Variants in FAF1 observed in about 807,000 individuals in gnomAD.
FAF1 encodes the protein FAS-associated factor 1.
A neutral mutation model predicts 92.5 loss-of-function variants in FAF1; 25 were observed. That is an observed-to-expected ratio of 0.27 (90% CI 0.20 to 0.38). The LOEUF is 0.38. Among genes scored for constraint, FAF1 ranks in the 10% least tolerant of loss-of-function variants. The pLI is 1.00. For synonymous variants in FAF1, 234 were observed against 273.2 expected, an observed-to-expected ratio of 0.86 and a Z score of 1.42; for missense variants, 636 against 793.3, an observed-to-expected ratio of 0.80 and a Z score of 2.38.
rs573353585 is a variant in FAF1 at position 50,784,081 on chromosome 1, A to G, written c.367+3919T>C. The stretch of plus-strand genomic sequence containing the variant: ...ATATGAAAGTCCCACAGCTAACATC[A>G]TATTCAAGGGTTAAGAACTAAAAGG... On this transcript the variant is annotated intron_variant, in intron 4 of 18. Coordinates refer to ENST00000396153, the MANE Select transcript of FAF1 (RefSeq NM_007051.3). 4.6e-5 allele frequency among the ~76,000 whole-genome samples: 7 copies of G among 152,308 alleles called. No homozygotes were observed. In the East Asian group the frequency reaches 1.2e-3, roughly 25 times the overall value.
intron 7 of FAF1, among the ~76,000 whole-genome samples, chr1:50,692,445 T>C (rs1462727034): frequency 1.3e-5 from 2 of 152,132 alleles, no homozygotes; most frequent in Admixed American, 1.3e-4. Flanking sequence ...GCTTTCCTCA[T>C]TCCTACCCGT....
chr1:50,816,041 A>AAT (rs1221848146), intron 2 of FAF1, among the ~76,000 whole-genome samples: 2 of 151,772 alleles, frequency 1.3e-5, no homozygotes, highest in Non-Finnish European at 2.9e-5. Context: ...AAAAAAAAAA[A>AAT]AATTTTAAAA....
At chr1:50,820,608 T>A (rs781591658) in intron 2 of FAF1, among the ~76,000 whole-genome samples, 51 of 152,300 alleles carry the variant, frequency 3.3e-4, no homozygotes, top group Non-Finnish European at 4.1e-4. Context: ...CAGAATTTAT[T>A]CATGTTACAA....
At chr1:50,647,899 T>C (rs2124268783) in intron 8 of FAF1, among the ~76,000 whole-genome samples, 1 of 152,178 alleles carries the variant, frequency 6.6e-6, no homozygotes, top group South Asian at 2.1e-4. Flanking sequence ...AAGAGAACTA[T>C]AAATGCATTT....
chr1:50,882,311 A>G (rs891193392), intron 1 of FAF1, among the ~76,000 whole-genome samples: 4 of 152,182 alleles, frequency 2.6e-5, no homozygotes, highest in Non-Finnish European at 5.9e-5. Flanking sequence ...ATACATATGT[A>G]GGCCAGGCAC....
intron 7 of FAF1, among the ~76,000 whole-genome samples, chr1:50,701,521 T>C (rs920152389): frequency 6.6e-6 from 1 of 152,120 alleles, no homozygotes; most frequent in Admixed American, 6.6e-5. Flanking sequence ...CTACATATTT[T>C]AATTACTGTT....
chr1:50,932,175 T>C (rs1645053728), intron 1 of FAF1, among the ~76,000 whole-genome samples: 1 of 152,102 alleles, frequency 6.6e-6, no homozygotes. Flanking sequence ...AAATCTCATG[T>C]CCTCACATGT....
chr1:50,955,675 A>G (rs1645260804), intron 1 of FAF1, among the ~76,000 whole-genome samples: 2 of 152,228 alleles, frequency 1.3e-5, no homozygotes, highest in African/African-American at 4.8e-5. Context: ...GCTGGAACAT[A>G]TATTTGAACA....
chr1:50,614,624 A>G (rs541255228), intron 8 of FAF1, among the ~76,000 whole-genome samples: 1 of 152,134 alleles, frequency 6.6e-6, no homozygotes, highest in African/African-American at 2.4e-5. Context: ...CGGATTACCT[A>G]AGGTCAGGAG....
intron 8 of FAF1, among the ~76,000 whole-genome samples, chr1:50,648,936 G>C (rs1235629886): frequency 6.6e-6 from 1 of 151,986 alleles, no homozygotes; most frequent in African/African-American, 2.4e-5. Context: ...CAAAAGTTAG[G>C]GGGCCTGGCC....
intron 8 of FAF1, among the ~76,000 whole-genome samples, chr1:50,651,292 T>C (rs553212667): frequency 3.3e-5 from 5 of 152,330 alleles, no homozygotes; most frequent in African/African-American, 4.8e-5. Context: ...TTTAAAAAAA[T>C]AGCTTCACTG....
intron 7 of FAF1, among the ~76,000 whole-genome samples, chr1:50,684,051 G>T (rs1001795668): frequency 6.6e-6 from 1 of 152,090 alleles, no homozygotes; most frequent in Non-Finnish European, 1.5e-5. Context: ...AATGTGAAAG[G>T]AAATCTTTCA....
At chr1:50,519,366 A>AGGAAGGAGGGAGGGAG (rs1557978729) in intron 15 of FAF1, among the ~76,000 whole-genome samples, 2 of 97,614 alleles carry the variant, frequency 2.0e-5, no homozygotes, top group African/African-American at 9.0e-5. Flanking sequence ...GAAGGAAGGA[A>AGGAAGGAGGGAGGGAG]GGAAGGAGGG....
At chr1:50,817,065 T>C (rs1048038674) in intron 2 of FAF1, among the ~76,000 whole-genome samples, 2 of 152,184 alleles carry the variant, frequency 1.3e-5, no homozygotes, top group Admixed American at 6.5e-5. Flanking sequence ...ACTAGTACCA[T>C]GGCGTTACGG....
chr1:50,691,485 G>A lies in FAF1; in HGVS notation c.657+14301C>T, dbSNP rs549940681. Among the ~76,000 whole-genome samples the A allele has an allele frequency of 2.6e-5, 4 of 152,232 alleles. No homozygotes were observed. The East Asian group carries it at 7.7e-4, about 29-fold the overall frequency. ...TCAAACTCCTGACCTCAAGTAATCC[G>A]CTGGCCTTGGCCTCCCAAAGTACTG... On this transcript the variant is annotated intron_variant, in intron 7 of 18. Transcript: ENST00000396153.
intron 4 of FAF1, among the ~76,000 whole-genome samples, chr1:50,784,916 C>T (rs1661305827): frequency 6.6e-6 from 1 of 151,878 alleles, no homozygotes; most frequent in African/African-American, 2.4e-5. Flanking sequence ...GTGCCAAGAC[C>T]CCACAATGTG....
rs1572849503 is a variant in FAF1, at chr1:50,583,668, C to A, written c.1015G>T (p.Ala339Ser). 6.3e-7 allele frequency: 1 copy of A among 1,576,872 alleles called. No homozygotes were observed. Among genetic ancestry groups the A allele is most frequent in the Non-Finnish European group, 8.6e-7 (1 of 1,157,612 alleles). ...NEGDALLQFT[A>S]EFSSRYGDCH... ...TAACCCTACCTTGAAGAAAACTCTG[C>A]TGTAAATTGTAATAAGGCATCTCCT... Residue 339 changes from alanine to serine, a missense_variant, in exon 11 of 19, where the codon GCA (alanine) becomes TCA (serine). By Grantham distance (99) the Ala-to-Ser change is moderately conservative. This residue lies in a region of FAF1 where 319 missense variants were observed against 451.0 expected (regional missense o/e 0.71). Transcript: ENST00000396153. This position sits in a 1 kb window ranked among gnomAD's most constrained non-coding sequence, Gnocchi z 4.2.
rs1435025558 is a variant in FAF1, at chr1:50,761,775, G to T, written c.368-17000C>A. ...CTGGAAGCATTCCCTTTGAAAACTG[G>T]CACAAGACAGGGATGCCCTCTCTCA... On this transcript the variant is annotated intron_variant, in intron 4 of 18. Transcript: ENST00000396153. Among the ~76,000 whole-genome samples the T allele has an allele frequency of 2.6e-5, 4 of 152,122 alleles. No individual in the cohort carries two copies. In the East Asian group the frequency reaches 7.7e-4, roughly 29 times the overall value.
intron 6 of FAF1, among the ~76,000 whole-genome samples, chr1:50,735,121 G>A (rs1026130715): frequency 6.6e-6 from 1 of 152,284 alleles, no homozygotes. Flanking sequence ...ATAGGTTACA[G>A]GCTACCTGAG....
Sources: gnomAD v4.1 joint callset for allele counts (sites outside exome capture counted in the v4.1 genomes callset) on GRCh38, gnomAD v4.1.1 for gene constraint, gnomAD v4.1.1 regional missense constraint, Gnocchi (gnomAD v3.1) non-coding constraint, MANE v1.5 for transcripts, NCBI Gene and HGNC (gene_info 2026-07-23, HGNC 2026-07-21) for gene names.